The following FAM81B variants were observed in gnomAD, a reference collection of about 807,000 sequenced individuals.
The protein encoded by FAM81B is protein FAM81B.
FAM81B carries 60 observed loss-of-function variants against 58.7 expected under a neutral mutation model. The ratio of observed to expected loss-of-function variants is 1.02; its 90% confidence interval spans 0.83 to 1.27. The LOEUF is 1.27. Ranked by LOEUF, FAM81B falls within the 50% of genes most tolerant of loss-of-function variation. The probability of loss-of-function intolerance (pLI) is 0.00; values close to 1 mark genes in which losing one functional copy is unlikely to be tolerated. For synonymous variants in FAM81B, 189 were observed against 179.6 expected (o/e 1.05, Z -0.42); for missense variants, 491 against 522.0 (o/e 0.94, Z 0.58).
intron 5 of FAM81B, among the ~76,000 whole-genome samples, chr5:95,423,547 T>TA (rs70978187): frequency 0.023 from 2,839 of 123,400 alleles, 40 homozygotes; most frequent in African/African-American, 0.029. Context: ...TGCATGTGGG[T>TA]AAAAAAAAAA....
At chr5:95,429,665 A>T (rs1486249042) in intron 6 of FAM81B, among the ~76,000 whole-genome samples, 1 of 152,194 alleles carries the variant, frequency 6.6e-6, no homozygotes, top group African/African-American at 2.4e-5. Flanking sequence ...TCATATCAAT[A>T]ACATGGCAAT....
intron 5 of FAM81B, among the ~76,000 whole-genome samples, chr5:95,426,829 A>G (rs1762847800): frequency 6.6e-6 from 1 of 152,172 alleles, no homozygotes; most frequent in Non-Finnish European, 1.5e-5. Flanking sequence ...CGGGCCGATC[A>G]CGAGGTCAGG....
intron 9 of FAM81B, 73 bp downstream of exon 9, chr5:95,448,537 G>C (rs1745672796): frequency 1.4e-6 from 2 of 1,392,098 alleles, no homozygotes; most frequent in East Asian, 4.8e-5. Context: ...TCCACTTTGA[G>C]CTAATGGCCA....
intron 8 of FAM81B, among the ~76,000 whole-genome samples, chr5:95,447,237 G>A (rs1436780965): frequency 6.6e-6 from 1 of 152,192 alleles, no homozygotes; most frequent in Non-Finnish European, 1.5e-5. Context: ...CTTACCCAAT[G>A]GGAAGGGCAG....
At chr5:95,402,432 T>C (rs950868303) in intron 3 of FAM81B, among the ~76,000 whole-genome samples, 1 of 152,212 alleles carries the variant, frequency 6.6e-6, no homozygotes, top group Non-Finnish European at 1.5e-5. Context: ...CAGTTAATAG[T>C]AAATCCCAGG....
intron 6 of FAM81B, among the ~76,000 whole-genome samples, chr5:95,434,992 A>T (rs1745044978): frequency 3.3e-5 from 5 of 152,254 alleles, no homozygotes; most frequent in Admixed American, 3.3e-4. Context: ...ACTATGACAG[A>T]GGTCTGGTTT....
intron 3 of FAM81B, among the ~76,000 whole-genome samples, chr5:95,403,898 C>G (rs1056078217): frequency 9.9e-5 from 15 of 152,244 alleles, no homozygotes; most frequent in South Asian, 6.2e-4. Flanking sequence ...TTAGTTTGCC[C>G]CTCAGAAGGA....
At chr5:95,440,751 G>A in intron 7 of FAM81B, 1 of 358,854 alleles carries the variant, frequency 2.8e-6, no homozygotes, top group Non-Finnish European at 4.9e-6. Flanking sequence ...TCCACTTCTG[G>A]CATGTTTGAA....
chr5:95,447,541 C>T (rs376643394), intron 8 of FAM81B, among the ~76,000 whole-genome samples: 1 of 152,202 alleles, frequency 6.6e-6, no homozygotes, highest in African/African-American at 2.4e-5. Context: ...ACCAGTTATA[C>T]GCAGCACTAG....
chr5:95,400,447 C>CACACACACACACACACAT (rs1554042707), intron 3 of FAM81B, among the ~76,000 whole-genome samples: 28 of 151,404 alleles, frequency 1.8e-4, no homozygotes, highest in African/African-American at 6.1e-4. Flanking sequence ...CACACACACA[C>CACACACACACACACACAT]ACATACATAC....
rs112271049 is a variant in FAM81B, at chr5:95,399,480, GC to G, written c.293+3314del. On this transcript the variant is annotated intron_variant, in intron 3 of 9. Transcript: ENST00000283357. Reference sequence around the variant, plus strand: ...TGGTCTTTCTCTTTCTTCTTTTCATGCCCCCCCCCACCCACCTGTGATGGGC... The same window carrying G: ...TGGTCTTTCTCTTTCTTCTTTTCATGCCCCCCCCACCCACCTGTGATGGGC... 4.9e-3 allele frequency among the ~76,000 whole-genome samples: 733 copies of G among 150,010 alleles called. 3 individuals are homozygous for G. Among genetic ancestry groups the G allele is most frequent in the African/African-American group, 0.015 (596 of 40,616 alleles).
intron 3 of FAM81B, among the ~76,000 whole-genome samples, chr5:95,399,952 C>T (rs1242024127): frequency 6.6e-6 from 1 of 152,206 alleles, no homozygotes; most frequent in Non-Finnish European, 1.5e-5. Context: ...GAGAGGCTAA[C>T]TAAAATGTTT....
chr5:95,392,722 A>G (rs1761859591), intron 1 of FAM81B, 72 bp from the exon 2 acceptor site: 4 of 1,339,530 alleles, frequency 3.0e-6, no homozygotes, highest in Non-Finnish European at 4.1e-6. Flanking sequence ...CCTCAATTAA[A>G]AAAAAATTAG....
intron 5 of FAM81B, among the ~76,000 whole-genome samples, chr5:95,427,768 T>C (rs1377836841): frequency 6.6e-6 from 1 of 152,242 alleles, no homozygotes; most frequent in Non-Finnish European, 1.5e-5. Flanking sequence ...TTCAGTGCTC[T>C]TCAACCTATC....
chr5:95,435,631 G>C (rs1261124807), intron 6 of FAM81B, among the ~76,000 whole-genome samples: 1 of 152,082 alleles, frequency 6.6e-6, no homozygotes, highest in Non-Finnish European at 1.5e-5. Context: ...ATCCTGAAAA[G>C]CTGTTGCTTT....
intron 8 of FAM81B, 94 bp from the exon 9 acceptor site, chr5:95,448,175 A>T: frequency 8.2e-7 from 1 of 1,221,552 alleles, no homozygotes; most frequent in Non-Finnish European, 1.1e-6. Flanking sequence ...TTTCATGCTT[A>T]ACATAGAAAA....
chr5:95,443,756 T>C (rs1183652655), intron 7 of FAM81B, among the ~76,000 whole-genome samples: 1 of 152,224 alleles, frequency 6.6e-6, no homozygotes, highest in Non-Finnish European at 1.5e-5. Context: ...TTCTGGGTGT[T>C]ACCAGGAAAA....
intron 3 of FAM81B, among the ~76,000 whole-genome samples, chr5:95,399,769 A>T (rs1191698652): frequency 6.6e-6 from 1 of 152,174 alleles, no homozygotes; most frequent in Non-Finnish European, 1.5e-5. Context: ...CCGAGGAGAG[A>T]TGGGAGCCAG....
chr5:95,392,785 G>C lies in FAM81B; in HGVS notation c.125-9G>C, dbSNP rs1761861551. ...GTTCCTGACCTGATTCAGCATTCTG[G>C]TTACCTAGATACAAATGTAAACAAA... is the stretch of plus-strand genomic sequence containing the variant. On this transcript the variant is annotated splice_polypyrimidine_tract_variant and intron_variant, in intron 1 of 9. Coordinates refer to ENST00000283357, the MANE Select transcript of FAM81B (RefSeq NM_152548.3). The C allele has an allele frequency of 6.2e-7, 1 of 1,602,338 alleles. No homozygotes were observed. The highest frequency in any genetic ancestry group is 8.5e-7 in the Non-Finnish European group (1 of 1,173,638).
Sources: gnomAD v4.1 joint callset for allele counts (sites outside exome capture counted in the v4.1 genomes callset) on GRCh38, gnomAD v4.1.1 for gene constraint, MANE v1.5 for transcripts, NCBI Gene and HGNC (gene_info 2026-07-23, HGNC 2026-07-21) for gene names.